Variants in PLCH1 observed in about 807,000 individuals in gnomAD.
PLCH1 encodes the protein 1-phosphatidylinositol 4,5-bisphosphate phosphodiesterase eta-1.
In PLCH1, 60 loss-of-function variants were observed where a neutral mutation model predicts 126.7. The observed-to-expected ratio is 0.47, with a 90% confidence interval of 0.38 to 0.59. PLCH1 has a LOEUF of 0.59. Ranked by LOEUF, PLCH1 falls within the 20% of genes least tolerant of loss-of-function variation. The pLI is 0.00. For synonymous variants in PLCH1, 719 were observed against 734.9 expected (o/e 0.98, Z 0.35); for missense variants, 1,723 against 2,040.0 (o/e 0.84, Z 2.99).
intron 1 of PLCH1, among the ~76,000 whole-genome samples, chr3:155,716,551 G>C (rs895181325): frequency 3.9e-5 from 6 of 152,174 alleles, no homozygotes; most frequent in Admixed American, 1.3e-4. Context: ...GTGGGAGCAG[G>C]CATCTGACAT....
intron 21 of PLCH1, among the ~76,000 whole-genome samples, chr3:155,472,607 CG>C (rs1285902326): frequency 2.0e-5 from 3 of 151,812 alleles, no homozygotes; most frequent in Admixed American, 2.0e-4. Context: ...ATACCAAAGC[CG>C]GGCAGAGACA....
At chr3:155,572,774 G>A (rs868800868) in intron 6 of PLCH1, among the ~76,000 whole-genome samples, 4 of 151,730 alleles carry the variant, frequency 2.6e-5, no homozygotes, top group African/African-American at 7.3e-5. Flanking sequence ...CACCCAGACT[G>A]GAGTGCAGTG....
Position 155,594,048 on chromosome 3 carries a change from G to C in PLCH1, c.363C>G (p.Ile121Met), listed in dbSNP as rs764432315. The change falls in exon 4 of 23, where the codon ATC becomes ATG. Residue 121 changes from isoleucine to methionine, a missense_variant. Coordinates refer to ENST00000460012, the MANE Select transcript of PLCH1 (RefSeq NM_014996.4). ...HGNHMESLDL[I>M]TSNPEEARTW... ...TGCGGGCCTCCTCGGGGTTGGAGGT[G>C]ATGAGGTCCAGGGACTCCATGTGGT... is the stretch of plus-strand genomic sequence containing the variant. The C allele has an allele frequency of 1.2e-6, 2 of 1,614,068 alleles. No homozygotes were observed. Among genetic ancestry groups the C allele is most frequent in the South Asian group, 2.2e-5 (2 of 91,078 alleles).
At chr3:155,616,006 CT>C (rs1735754730) in intron 2 of PLCH1, among the ~76,000 whole-genome samples, 1 of 152,106 alleles carries the variant, frequency 6.6e-6, no homozygotes, top group African/African-American at 2.4e-5. Context: ...GCTTCTATGG[CT>C]TTTGATAATT....
In PLCH1 at chr3:155,482,071, T is replaced by C. The variant is rs900456954; in HGVS notation, c.3955A>G (p.Thr1319Ala). The change falls in exon 23 of 23, where the codon ACA (threonine) becomes GCA (alanine). Residue 1319 changes from threonine (T) to alanine (A), a missense_variant. By Grantham distance (58) the Thr-to-Ala change is moderately conservative. Around this residue, in one of 2 missense-constraint regions of PLCH1, gnomAD observed 947 missense variants for 977.1 expected, o/e 0.97. Coordinates refer to ENST00000460012, the MANE Select transcript of PLCH1 (RefSeq NM_014996.4). ...GAGGCAGGGCTGCAGCTCTTCAGTGTTTCCCAGTCTTCTCCCTTGGTAGGA... is the reference window on the plus strand; with the variant it reads ...GAGGCAGGGCTGCAGCTCTTCAGTGCTTCCCAGTCTTCTCCCTTGGTAGGA... ...KSPTKGEDWETLKSCSPASSP... is the reference protein window; with the variant it reads ...KSPTKGEDWEALKSCSPASSP... 6.2e-7 allele frequency: 1 copy of C among 1,614,196 alleles called. No homozygotes were observed.
intron 13 of PLCH1, among the ~76,000 whole-genome samples, chr3:155,503,700 G>A (rs1228234243): frequency 6.6e-6 from 1 of 152,018 alleles, no homozygotes; most frequent in Non-Finnish European, 1.5e-5. Flanking sequence ...ACCACACCTG[G>A]CTAATTTTTG....
At chr3:155,633,267 G>A (rs192740995) in intron 2 of PLCH1, among the ~76,000 whole-genome samples, 69 of 151,204 alleles carry the variant, frequency 4.6e-4, no homozygotes, top group Admixed American at 1.8e-3. Context: ...ATGCAGTTTC[G>A]AGGTCATAAT....
intron 9 of PLCH1, 41 bp downstream of exon 9, chr3:155,554,035 C>A: frequency 1.2e-6 from 2 of 1,601,908 alleles, no homozygotes; most frequent in South Asian, 1.1e-5. Context: ...ATGCTCCATG[C>A]GGGAGGCTAC....
intron 16 of PLCH1, 43 bp from the exon 17 acceptor site, chr3:155,494,291 C>T: frequency 1.9e-6 from 3 of 1,610,394 alleles, no homozygotes; most frequent in Non-Finnish European, 2.5e-6. Context: ...AAGATGGTGG[C>T]ATAGTGAGAA....
rs761428068 is a variant in PLCH1, at chr3:155,494,512, T to C, written c.1900A>G (p.Thr634Ala). The change falls in exon 16 of 23, where the codon ACA (threonine) becomes GCA (alanine). Residue 634 changes from threonine to alanine, a missense_variant. By Grantham distance (58) the Thr-to-Ala change is moderately conservative (BLOSUM62 0). Around this residue, in one of 2 missense-constraint regions of PLCH1, gnomAD observed 776 missense variants for 1,062.9 expected, o/e 0.73. Transcript: ENST00000460012. ...TCACTGAATGATAACACATTTCCTGTGGTTCCTGGCAGTTTTTAATCGAGA... is the reference window on the plus strand; with the variant it reads ...TCACTGAATGATAACACATTTCCTGCGGTTCCTGGCAGTTTTTAATCGAGA... Reference protein sequence around the residue: ...AAQDIVDDGTTGNVLSFSETR... With the variant: ...AAQDIVDDGTAGNVLSFSETR... 5.7e-6 allele frequency: 9 copies of C among 1,585,974 alleles called. No homozygotes were observed. In the East Asian group the frequency reaches 1.8e-4, roughly 32 times the overall value.
intron 2 of PLCH1, among the ~76,000 whole-genome samples, chr3:155,639,830 T>C (rs1739187125): frequency 6.6e-6 from 1 of 152,182 alleles, no homozygotes; most frequent in Non-Finnish European, 1.5e-5. Context: ...GACTGAGTCA[T>C]GGGGGTGGAT....
intron 1 of PLCH1, among the ~76,000 whole-genome samples, chr3:155,730,974 G>A (rs769804355): frequency 4.6e-5 from 7 of 152,150 alleles, no homozygotes; most frequent in East Asian, 1.9e-4. Context: ...ACTCCAGACC[G>A]GTAACCATGG....
chr3:155,619,152 A>G (rs1310096789), intron 2 of PLCH1, among the ~76,000 whole-genome samples: 1 of 45,560 alleles, frequency 2.2e-5, no homozygotes, highest in Admixed American at 2.2e-4. Flanking sequence ...TAACACCTCT[A>G]TAGGATACTT....
intron 21 of PLCH1, chr3:155,457,342 C>T (rs1054943271): frequency 6.6e-6 from 1 of 152,218 alleles, no homozygotes; most frequent in Non-Finnish European, 1.5e-5. Context: ...TGAGCAGAGG[C>T]TTCAAGTGCC....
intron 9 of PLCH1, among the ~76,000 whole-genome samples, chr3:155,553,574 T>A: frequency 6.6e-6 from 1 of 151,940 alleles, no homozygotes; most frequent in East Asian, 1.9e-4. Context: ...AAAAAGAGAT[T>A]GAGAAGCAAC....
chr3:155,732,274 A>T (rs1577382004), intron 1 of PLCH1, among the ~76,000 whole-genome samples: 3 of 152,272 alleles, frequency 2.0e-5, no homozygotes, highest in Admixed American at 2.0e-4. Context: ...AAATTTAAAA[A>T]TGCAAGTGTC....
chr3:155,626,498 T>G (rs1737265817), intron 2 of PLCH1, among the ~76,000 whole-genome samples: 2 of 152,036 alleles, frequency 1.3e-5, no homozygotes, highest in Non-Finnish European at 2.9e-5. Context: ...GGCTGGGCGC[T>G]GTGGCTCATG....
chr3:155,735,785 G>T (rs1358630916), intron 1 of PLCH1, among the ~76,000 whole-genome samples: 1 of 152,042 alleles, frequency 6.6e-6, no homozygotes, highest in Non-Finnish European at 1.5e-5. Context: ...TATAATTTTT[G>T]TCAATTAAAG....
chr3:155,621,460 C>T (rs1373152709), intron 2 of PLCH1, among the ~76,000 whole-genome samples: 1 of 152,098 alleles, frequency 6.6e-6, no homozygotes, highest in Non-Finnish European at 1.5e-5. Context: ...TAACAAACCC[C>T]TCCAAGCTAA....
Sources: allele counts gnomAD v4.1 joint callset (sites outside exome capture counted in the v4.1 genomes callset), GRCh38; gene constraint gnomAD v4.1.1; regional missense constraint gnomAD v4.1.1; transcripts MANE v1.5; gene names NCBI Gene and HGNC (gene_info 2026-07-23, HGNC 2026-07-21).